SPACA7: variants seen among roughly 807,000 people sequenced by gnomAD.
The protein encoded by SPACA7 is sperm acrosome associated 7.
In SPACA7, 19 loss-of-function variants were observed where a neutral mutation model predicts 26.3. That is an observed-to-expected ratio of 0.72 (90% confidence interval 0.50 to 1.06). The LOEUF (loss-of-function observed/expected upper bound fraction) is 1.06. SPACA7 is among the 50% of genes least tolerant of loss of function. SPACA7 has a pLI of 0.00. For synonymous variants in SPACA7, 84 were observed against 84.5 expected, an observed-to-expected ratio of 0.99 and a Z score of 0.04; for missense variants, 211 against 229.9, an observed-to-expected ratio of 0.92 and a Z score of 0.53.
intron 5 of SPACA7, among the ~76,000 whole-genome samples, chr13:112,423,756 A>C (rs1876242355): frequency 6.6e-6 from 1 of 152,238 alleles, no homozygotes; most frequent in Non-Finnish European, 1.5e-5. Context: ...TAGACATATC[A>C]CTTGTAGAGC....
At chr13:112,413,786 T>C (rs1417150507) in intron 5 of SPACA7, among the ~76,000 whole-genome samples, 3 of 152,232 alleles carry the variant, frequency 2.0e-5, no homozygotes, top group African/African-American at 7.2e-5. Context: ...CTGTATATTT[T>C]TAAATGGCCT....
At chr13:112,422,766 G>A (rs1057159551) in intron 5 of SPACA7, among the ~76,000 whole-genome samples, 12 of 152,178 alleles carry the variant, frequency 7.9e-5, no homozygotes, top group South Asian at 4.1e-4. Context: ...AATGAAGTGC[G>A]TCTCACTGCC....
At chr13:112,423,516 T>C (rs1876193445) in intron 5 of SPACA7, among the ~76,000 whole-genome samples, 1 of 151,898 alleles carries the variant, frequency 6.6e-6, no homozygotes, top group Non-Finnish European at 1.5e-5. Context: ...TCTGTCATAA[T>C]TGAAAAAAAA....
intron 5 of SPACA7, among the ~76,000 whole-genome samples, chr13:112,423,081 G>C (rs553607185): frequency 3.3e-5 from 5 of 152,262 alleles, no homozygotes; most frequent in African/African-American, 9.6e-5. Context: ...ACTAAAAACA[G>C]AATGCTATAA....
rs536550834 is a variant in SPACA7, at chr13:112,423,722, A to C, written c.446-8722A>C. 1.6e-3 allele frequency among the ~76,000 whole-genome samples: 240 copies of C among 152,304 alleles called. 1 individual carries two copies. The highest frequency in any genetic ancestry group is 3.4e-3 in the Middle Eastern group (1 of 292). On this transcript the variant is annotated intron_variant, in intron 5 of 6. Coordinates refer to ENST00000283550, the MANE Select transcript of SPACA7 (RefSeq NM_145248.5). ...GATTCAGGAATCACAGTATGTTCTA[A>C]AGGAAGAGAAATAGAAATGAAATTA...
In SPACA7 at chr13:112,404,520, G is replaced by T. The variant is rs555749817; in HGVS notation, c.445+3356G>T. 5.9e-5 allele frequency among the ~76,000 whole-genome samples: 9 copies of T among 152,230 alleles called. 1 individual carries two copies. Among genetic ancestry groups the T allele is most frequent in the African/African-American group, 2.2e-4 (9 of 41,560 alleles). ...AATGTCTAGAAGGTTTTTTTCCAAT[G>T]TTATCTTCTAGAATTGGTATGGTTT... On this transcript the variant is annotated intron_variant, in intron 5 of 6. Coordinates refer to ENST00000283550, the MANE Select transcript of SPACA7 (RefSeq NM_145248.5).
chr13:112,414,634 C>T (rs765458055), intron 5 of SPACA7, among the ~76,000 whole-genome samples: 1 of 152,036 alleles, frequency 6.6e-6, no homozygotes, highest in Non-Finnish European at 1.5e-5. Context: ...TGGTCTCGAA[C>T]TCCTGACGTC....
Position 112,399,115 on chromosome 13 carries a change from T to A in SPACA7, c.291T>A (p.His97Gln), listed in dbSNP as rs746469895. The A allele has an allele frequency of 1.2e-5, 19 of 1,611,232 alleles. 1 individual carries two copies. In the East Asian group the frequency reaches 4.0e-4, roughly 34 times the overall value. ...AAGCTGGTGGTTCTGAGAATTACCA[T>A]GAATTATTAGAGAATTTACAATTCT... The part of the protein sequence containing the change: ...NYQAGGSENY[H>Q]ELLENLQFSP... Residue 97 changes from histidine (H) to glutamine (Q), a missense_variant, in exon 4 of 7, where the codon CAT (histidine) becomes CAA (glutamine). Transcript: ENST00000283550.
rs564515680 is a variant in SPACA7, at chr13:112,425,938, T to G, written c.446-6506T>G. 8.5e-5 allele frequency among the ~76,000 whole-genome samples: 13 copies of G among 152,340 alleles called. No homozygotes were observed. The South Asian group carries it at 2.7e-3, about 32-fold the overall frequency. ...GGGAACTGATTTGATTTCAGCATTG[T>G]ATCCTTAACAAACAGTAGCCCCATG... On this transcript the variant is annotated intron_variant, in intron 5 of 6. Coordinates refer to ENST00000283550, the MANE Select transcript of SPACA7 (RefSeq NM_145248.5).
chr13:112,431,385 T>C (rs1372612898), intron 5 of SPACA7, among the ~76,000 whole-genome samples: 4 of 152,212 alleles, frequency 2.6e-5, no homozygotes, highest in African/African-American at 9.6e-5. Context: ...TGGTTCATAA[T>C]ATCATTCCTG....
At chr13:112,388,245 C>T (rs1397235771) in intron 1 of SPACA7, among the ~76,000 whole-genome samples, 1 of 152,212 alleles carries the variant, frequency 6.6e-6, no homozygotes, top group Non-Finnish European at 1.5e-5. Flanking sequence ...TGGGAAACCT[C>T]CTCAAAATCT....
At chr13:112,427,723 A>G (rs1236333282) in intron 5 of SPACA7, among the ~76,000 whole-genome samples, 1 of 152,192 alleles carries the variant, frequency 6.6e-6, no homozygotes, top group Non-Finnish European at 1.5e-5. Context: ...AATTTATTTA[A>G]TAGATAGAGA....
At chr13:112,387,125 C>G (rs544637251) in intron 1 of SPACA7, among the ~76,000 whole-genome samples, 48 of 152,326 alleles carry the variant, frequency 3.2e-4, no homozygotes, top group African/African-American at 1.1e-3. Context: ...TTCTATTGCT[C>G]TTTCCAGAAG....
At chr13:112,419,816 G>A (rs550330019) in intron 5 of SPACA7, among the ~76,000 whole-genome samples, 5 of 152,326 alleles carry the variant, frequency 3.3e-5, no homozygotes, top group African/African-American at 1.2e-4. Flanking sequence ...CACAGGCCTA[G>A]CAGGGAGTAA....
At chr13:112,409,959 A>C (rs987908618) in intron 5 of SPACA7, among the ~76,000 whole-genome samples, 3 of 152,220 alleles carry the variant, frequency 2.0e-5, no homozygotes, top group Non-Finnish European at 4.4e-5. Context: ...AAGACTTGGA[A>C]CCAACCCAAA....
At chr13:112,431,314 G>A (rs541869133) in intron 5 of SPACA7, among the ~76,000 whole-genome samples, 1 of 152,238 alleles carries the variant, frequency 6.6e-6, no homozygotes, top group East Asian at 1.9e-4. Context: ...TCTCTTCCTT[G>A]TTGCCAGAAA....
chr13:112,401,071 G>A lies in SPACA7; in HGVS notation c.352G>A (p.Ala118Thr). The A allele has an allele frequency of 6.2e-7, 1 of 1,613,318 alleles. No individual in the cohort carries two copies. The highest frequency in any genetic ancestry group is 8.5e-7 in the Non-Finnish European group (1 of 1,179,328). ...GIEVKISNDE[A>T]NANANLHGDP... is the part of the protein sequence containing the mutation. Reference sequence around the variant, plus strand: ...TTTTTCCATATTTGTCATTAAAGAAGCCAATGCTAATGCAAATCTCCATGG... The same window carrying A: ...TTTTTCCATATTTGTCATTAAAGAAACCAATGCTAATGCAAATCTCCATGG... Residue 118 changes from alanine (A) to threonine (T), a missense_variant and splice_region_variant, in exon 5 of 7, where the codon GCC becomes ACC. By Grantham distance (58) the Ala-to-Thr change is moderately conservative. Transcript: ENST00000283550.
chr13:112,395,680 G>C (rs1885199000), intron 2 of SPACA7, among the ~76,000 whole-genome samples: 3 of 152,278 alleles, frequency 2.0e-5, no homozygotes, highest in South Asian at 4.1e-4. Context: ...ATATTGGCCA[G>C]GCTGGTCTCA....
In SPACA7 at chr13:112,399,751, C is replaced by T. The variant is rs143458957; in HGVS notation, c.349+578C>T. Among the ~76,000 whole-genome samples, 1,490 of 152,288 alleles carry T rather than the reference C, an allele frequency of 9.8e-3. 24 individuals are homozygous for T. Among genetic ancestry groups the T allele is most frequent in the African/African-American group, 0.033 (1,357 of 41,562 alleles). On this transcript the variant is annotated intron_variant, in intron 4 of 6. Coordinates refer to ENST00000283550, the MANE Select transcript of SPACA7 (RefSeq NM_145248.5). Reference sequence around the variant, plus strand: ...TGAGTCCATTCTCACACTGCTACAACGAACTACCTGAGGCTGAGTAATTTA... The same window carrying T: ...TGAGTCCATTCTCACACTGCTACAATGAACTACCTGAGGCTGAGTAATTTA...
Sources: allele counts gnomAD v4.1 joint callset (sites outside exome capture counted in the v4.1 genomes callset), GRCh38; gene constraint gnomAD v4.1.1; transcripts MANE v1.5; gene names NCBI Gene and HGNC (gene_info 2026-07-23, HGNC 2026-07-21).